ACSM4: variants seen among roughly 807,000 people sequenced by gnomAD.
ACSM4 encodes acyl-coenzyme A synthetase ACSM4, mitochondrial.
Under a neutral mutation model 73.0 loss-of-function variants are expected in ACSM4, and 66 were observed. The observed-to-expected ratio is 0.90, with a 90% CI of 0.74 to 1.11. The LOEUF (loss-of-function observed/expected upper bound fraction) is 1.11. Among genes scored for constraint, ACSM4 ranks in the 50% least tolerant of loss-of-function variants. ACSM4 has a pLI of 0.00. For synonymous variants in ACSM4, 222 were observed against 254.0 expected (o/e 0.87, Z 1.20); for missense variants, 645 against 714.4 (o/e 0.90, Z 1.11).
At chr12:7,311,194 T>G (rs7972466) in intron 3 of ACSM4, among the ~76,000 whole-genome samples, 7,044 of 151,444 alleles carry the variant, frequency 0.047, 435 homozygotes, top group African/African-American at 0.14. Context: ...ATAAATAAAA[T>G]AAAAGAAAAG....
chr12:7,324,723 C>A, intron 11 of ACSM4, 125 bp downstream of exon 11: 1 of 1,042,828 alleles, frequency 9.6e-7, no homozygotes, highest in Non-Finnish European at 1.4e-6. Context: ...TGCATTTGGC[C>A]AAAATATAAA....
chr12:7,320,976 G>A (rs1247798301), intron 6 of ACSM4, among the ~76,000 whole-genome samples, 172 bp downstream of exon 6: 1 of 152,156 alleles, frequency 6.6e-6, no homozygotes, highest in Non-Finnish European at 1.5e-5. Context: ...ACAGAATGTT[G>A]AGCAGCATCT....
chr12:7,306,197 T>C (rs955191485), intron 1 of ACSM4, among the ~76,000 whole-genome samples: 4 of 152,248 alleles, frequency 2.6e-5, no homozygotes. Flanking sequence ...TGAGCATGCG[T>C]AAGCACGAAT....
In ACSM4 at chr12:7,304,477, C is replaced by T; in HGVS notation, c.146C>T (p.Pro49Leu). Residue 49 changes from proline to leucine, a missense_variant, in exon 1 of 13, where the codon CCT (proline) becomes CTT (leucine). Coordinates refer to ENST00000399422, the MANE Select transcript of ACSM4 (RefSeq NM_001080454.2). ...ATAAATCGCTGTAACAGGCCATTGC[C>T]TAAAAACTTTAACTTTGCTGCAGAT... ...EAINRCNRPL[P>L]KNFNFAADVL... is the part of the protein sequence containing the mutation. 6.2e-7 allele frequency: 1 copy of T among 1,613,972 alleles called. No individual in the cohort carries two copies. Among genetic ancestry groups the T allele is most frequent in the Non-Finnish European group, 8.5e-7 (1 of 1,179,864 alleles).
At position 7,306,677 on chromosome 12, in the gene ACSM4, C is replaced by G; in HGVS notation, c.346C>G (p.Arg116Gly). 1 of 1,611,250 alleles carries G rather than the reference C, an allele frequency of 6.2e-7. No individual in the cohort carries two copies. Among genetic ancestry groups the G allele is most frequent in the Non-Finnish European group, 8.5e-7 (1 of 1,178,924 alleles). The stretch of plus-strand genomic sequence containing the variant: ...GCCCTGTGGCCTGCAGAGAGGAGAC[C>G]GTTTGGCCGTGATTCTGCCCAGAAT... Reference protein sequence around the residue: ...TKPCGLQRGDRLAVILPRIPE... With the variant: ...TKPCGLQRGDGLAVILPRIPE... Residue 116 changes from arginine to glycine, a missense_variant, in exon 2 of 13, where the codon CGT becomes GGT. Arg to Gly is a moderately radical substitution (Grantham distance 125). Coordinates refer to ENST00000399422, the MANE Select transcript of ACSM4 (RefSeq NM_001080454.2).
At chr12:7,320,514 A>G (rs1946453046) in intron 5 of ACSM4, among the ~76,000 whole-genome samples, 1 of 152,236 alleles carries the variant, frequency 6.6e-6, no homozygotes, top group African/African-American at 2.4e-5. Flanking sequence ...TTACTGTAAT[A>G]TTAATATATA....
Position 7,324,516 on chromosome 12 carries a change from T to A in ACSM4, c.1454T>A (p.Phe485Tyr). ...CTCTTCAGGTACCGTATTGGGCCAT[T>A]TGAAGTGGAGAGTGCACTCATTGAG... ...IISSGYRIGP[F>Y]EVESALIEHP... Residue 485 changes from phenylalanine to tyrosine, a missense_variant, in exon 11 of 13, where the codon TTT becomes TAT. Coordinates refer to ENST00000399422, the MANE Select transcript of ACSM4 (RefSeq NM_001080454.2). The A allele has an allele frequency of 1.2e-6, 2 of 1,613,916 alleles. No homozygotes were observed. The highest frequency in any genetic ancestry group is 4.5e-5 in the East Asian group (2 of 44,878).
At chr12:7,313,290 T>A (rs1351792928) in intron 3 of ACSM4, among the ~76,000 whole-genome samples, 1 of 152,146 alleles carries the variant, frequency 6.6e-6, no homozygotes, top group Non-Finnish European at 1.5e-5. Context: ...TTGCACACTT[T>A]GGGAGTGGTT....
At chr12:7,311,048 C>A (rs1030685595) in intron 3 of ACSM4, among the ~76,000 whole-genome samples, 1 of 151,910 alleles carries the variant, frequency 6.6e-6, no homozygotes, top group African/African-American at 2.4e-5. Context: ...TGCCTGTAAT[C>A]CTAATTACTC....
chr12:7,310,508 T>G, intron 2 of ACSM4, 31 bp from the exon 3 acceptor site: 1 of 1,571,362 alleles, frequency 6.4e-7, no homozygotes. Flanking sequence ...ACAGCAGTTC[T>G]GTTCAGTGCA....
At chr12:7,308,086 C>A (rs1180829541) in intron 2 of ACSM4, among the ~76,000 whole-genome samples, 2 of 152,060 alleles carry the variant, frequency 1.3e-5, no homozygotes, top group East Asian at 3.8e-4. Flanking sequence ...TATGGTAATT[C>A]AACTTGAAAT....
chr12:7,325,296 C>T (rs11051073), intron 11 of ACSM4, among the ~76,000 whole-genome samples: 9,279 of 152,314 alleles, frequency 0.061, 380 homozygotes, highest in East Asian at 0.17. Context: ...ACAGATTTCA[C>T]TGAATGGAAA....
Position 7,327,053 on chromosome 12 carries a change from T to G in ACSM4, c.1614T>G (p.Asp538Glu). ...NPEKLTLELQ[D>E]HVKKSTAPYK... The stretch of plus-strand genomic sequence containing the variant: ...AGAAATTAACTCTTGAACTTCAGGA[T>G]CATGTGAAAAAATCAACTGCACCTT... The change falls in exon 12 of 13, where the codon GAT becomes GAG. Residue 538 changes from aspartate to glutamate, a missense_variant. Asp to Glu is a conservative substitution (Grantham distance 45). Coordinates refer to ENST00000399422, the MANE Select transcript of ACSM4 (RefSeq NM_001080454.2). 1.9e-6 allele frequency: 3 copies of G among 1,611,710 alleles called. No homozygotes were observed. In the African/African-American group the frequency reaches 4.0e-5, roughly 21 times the overall value.
intron 3 of ACSM4, among the ~76,000 whole-genome samples, chr12:7,316,702 G>C (rs1236095735): frequency 6.6e-6 from 1 of 152,176 alleles, no homozygotes; most frequent in Non-Finnish European, 1.5e-5. Flanking sequence ...TTATTTAAAA[G>C]TTTGAATCAA....
intron 1 of ACSM4, 71 bp downstream of exon 1, chr12:7,304,603 G>A (rs1946351796): frequency 6.7e-7 from 1 of 1,496,738 alleles, no homozygotes; most frequent in African/African-American, 1.4e-5. Flanking sequence ...TCCTTGTTCT[G>A]TGGTCTACCA....
At chr12:7,327,220 G>T in intron 12 of ACSM4, 125 bp downstream of exon 12, 2 of 1,199,668 alleles carry the variant, frequency 1.7e-6, no homozygotes, top group Non-Finnish European at 2.3e-6. Context: ...TTTTCAATTT[G>T]TTTAACCCTA....
chr12:7,305,535 T>C (rs910591915), intron 1 of ACSM4, among the ~76,000 whole-genome samples: 3 of 151,994 alleles, frequency 2.0e-5, no homozygotes, highest in Admixed American at 2.0e-4. Flanking sequence ...ACCTGGGAGG[T>C]TTGCAGATGA....
rs773976877 is a variant in ACSM4 at position 7,306,553 on chromosome 12, C to T, written c.222C>T (p.Asn74=). ...GTCAGACAGGGGAGAGACCAGCTAA[C>T]CCAGCCCTGTGGTGGGTGAATGGCA... ...QKEKTGERPA[N]PALWWVNGKG... Residue 74 remains asparagine (N), a synonymous_variant, in exon 2 of 13, where the codon AAC becomes AAT. Transcript: ENST00000399422. 6 of 1,597,770 alleles carry T rather than the reference C, an allele frequency of 3.8e-6. No individual in the cohort carries two copies. Among genetic ancestry groups the T allele is most frequent in the Middle Eastern group, 1.7e-4 (1 of 5,818 alleles).
At chr12:7,316,016 T>C (rs1271446140) in intron 3 of ACSM4, among the ~76,000 whole-genome samples, 1 of 152,128 alleles carries the variant, frequency 6.6e-6, no homozygotes, top group Non-Finnish European at 1.5e-5. Context: ...TCCCAGAACT[T>C]GTGCCACAGT....
Sources: allele counts gnomAD v4.1 joint callset (sites outside exome capture counted in the v4.1 genomes callset), GRCh38; gene constraint gnomAD v4.1.1; transcripts MANE v1.5; gene names NCBI Gene and HGNC (gene_info 2026-07-23, HGNC 2026-07-21).